Variants in CSMD3 observed in about 807,000 individuals in gnomAD.
CSMD3 encodes CUB and Sushi multiple domains 3.
Under a neutral mutation model 435.2 loss-of-function variants are expected in CSMD3, and 177 were observed. The ratio of observed to expected loss-of-function variants is 0.41; its 90% CI spans 0.36 to 0.46. The LOEUF (loss-of-function observed/expected upper bound fraction) is 0.46. Ranked by LOEUF, CSMD3 falls within the 20% of genes least tolerant of loss-of-function variation. The pLI is 0.34. For missense variants in CSMD3, 4,265 were observed against 4,504.6 expected, an observed-to-expected ratio of 0.95 and a Z score of 1.52; for synonymous variants, 1,656 against 1,520.5, an observed-to-expected ratio of 1.09 and a Z score of -2.07.
intron 32 of CSMD3, among the ~76,000 whole-genome samples, chr8:112,461,200 T>G (rs1243415081): frequency 6.6e-6 from 1 of 152,140 alleles, no homozygotes; most frequent in Non-Finnish European, 1.5e-5. Context: ...AGTGGGATAG[T>G]GTCAGAAATG....
chr8:112,532,141 A>T (rs1218601682), intron 27 of CSMD3, among the ~76,000 whole-genome samples: 1 of 152,100 alleles, frequency 6.6e-6, no homozygotes, highest in African/African-American at 2.4e-5. Flanking sequence ...CAGAAGAAAG[A>T]ATTCATGACA....
chr8:112,699,402 A>G (rs2131867558), intron 13 of CSMD3, among the ~76,000 whole-genome samples: 1 of 152,318 alleles, frequency 6.6e-6, no homozygotes, highest in South Asian at 2.1e-4. Flanking sequence ...GGCAAGACCT[A>G]GAACCCACCG....
intron 1 of CSMD3, among the ~76,000 whole-genome samples, chr8:113,409,330 C>A (rs1358079723): frequency 6.6e-6 from 1 of 151,724 alleles, no homozygotes; most frequent in Non-Finnish European, 1.5e-5. Flanking sequence ...TGAAGCACCC[C>A]TCTCGGCCTC....
chr8:112,707,355 T>C (rs2076520158), intron 13 of CSMD3, among the ~76,000 whole-genome samples: 1 of 152,008 alleles, frequency 6.6e-6, no homozygotes, highest in Non-Finnish European at 1.5e-5. Flanking sequence ...AGTAATCATG[T>C]TGATACTGTG....
At chr8:112,410,306 A>C (rs947575015) in intron 32 of CSMD3, among the ~76,000 whole-genome samples, 3 of 151,204 alleles carry the variant, frequency 2.0e-5, no homozygotes, top group African/African-American at 7.3e-5. Flanking sequence ...CTGTGCTAAA[A>C]TTTGTCAATA....
intron 22 of CSMD3, among the ~76,000 whole-genome samples, chr8:112,613,871 C>T (rs978963450): frequency 6.6e-6 from 1 of 152,022 alleles, no homozygotes; most frequent in Non-Finnish European, 1.5e-5. Context: ...GACTGTAATC[C>T]CAGCACTTTG....
intron 27 of CSMD3, among the ~76,000 whole-genome samples, chr8:112,525,782 GTGTATATATATA>G (rs1175781864): frequency 1.5e-5 from 2 of 135,318 alleles, no homozygotes; most frequent in Admixed American, 7.6e-5. Flanking sequence ...TTATATGTGT[GTGTATATATATA>G]TGTATATATA....
At chr8:112,813,544 G>A (rs546223710) in intron 12 of CSMD3, among the ~76,000 whole-genome samples, 1 of 152,200 alleles carries the variant, frequency 6.6e-6, no homozygotes, top group African/African-American at 2.4e-5. Context: ...TTAGTTTTGC[G>A]GGAGGGGGAA....
At chr8:113,238,204 A>G (rs1442454460) in intron 3 of CSMD3, among the ~76,000 whole-genome samples, 3 of 152,104 alleles carry the variant, frequency 2.0e-5, no homozygotes, top group Admixed American at 6.6e-5. Flanking sequence ...ATGAAAAGCT[A>G]CATCAAACAA....
At chr8:113,055,152 C>T (rs2088266025) in intron 5 of CSMD3, among the ~76,000 whole-genome samples, 1 of 152,024 alleles carries the variant, frequency 6.6e-6, no homozygotes, top group Admixed American at 6.6e-5. Context: ...TTATCATCTG[C>T]TACAACTCTT....
At chr8:112,493,499 T>C (rs556526397) in intron 30 of CSMD3, among the ~76,000 whole-genome samples, 1 of 152,106 alleles carries the variant, frequency 6.6e-6, no homozygotes, top group Non-Finnish European at 1.5e-5. Context: ...CTTACCCTAT[T>C]TTCTCCAGTC....
intron 6 of CSMD3, among the ~76,000 whole-genome samples, chr8:113,012,191 C>T (rs916386510): frequency 6.6e-6 from 1 of 151,522 alleles, no homozygotes; most frequent in East Asian, 1.9e-4. Flanking sequence ...TAAAATAATG[C>T]AGTTGGCCTA....
At chr8:112,993,202 T>C (rs1015364872) in intron 6 of CSMD3, among the ~76,000 whole-genome samples, 6 of 151,818 alleles carry the variant, frequency 4.0e-5, no homozygotes, top group African/African-American at 1.4e-4. Flanking sequence ...GTGCTGGGAA[T>C]GCTAAAAGCT....
At chr8:113,213,438 A>G (rs758617603) in intron 3 of CSMD3, among the ~76,000 whole-genome samples, 6 of 152,058 alleles carry the variant, frequency 3.9e-5, no homozygotes, top group Non-Finnish European at 7.4e-5. Context: ...ACTCTTCTTA[A>G]CACTGTTACC....
chr8:112,752,900 C>T lies in CSMD3; in HGVS notation c.1972+47262G>A, dbSNP rs865908435. ...CTAAGCCCTTCAGTATTTGTTACCGCGTGTGTGTGTGTGTGTGTGTGTGTG... is the reference window on the plus strand; with the variant it reads ...CTAAGCCCTTCAGTATTTGTTACCGTGTGTGTGTGTGTGTGTGTGTGTGTG... On this transcript the variant is annotated intron_variant, in intron 13 of 70. Coordinates refer to ENST00000297405, the MANE Select transcript of CSMD3 (RefSeq NM_198123.2). 1.2e-4 allele frequency among the ~76,000 whole-genome samples: 18 copies of T among 146,594 alleles called. No individual in the cohort carries two copies. The South Asian group carries it at 1.3e-3, about 11-fold the overall frequency.
chr8:112,782,792 C>T (rs1284277835), intron 13 of CSMD3, among the ~76,000 whole-genome samples: 1 of 151,448 alleles, frequency 6.6e-6, no homozygotes, highest in East Asian at 2.0e-4. Flanking sequence ...AGTGACATAA[C>T]ATATTTAAAG....
chr8:112,465,657 A>C (rs1029262144), intron 32 of CSMD3, among the ~76,000 whole-genome samples: 6 of 152,264 alleles, frequency 3.9e-5, no homozygotes, highest in Admixed American at 6.5e-5. Context: ...ATTTCTGCTA[A>C]TTTACATTAA....
At chr8:112,237,552 T>C (rs1175307609) in intron 66 of CSMD3, among the ~76,000 whole-genome samples, 1 of 152,158 alleles carries the variant, frequency 6.6e-6, no homozygotes, top group Non-Finnish European at 1.5e-5. Flanking sequence ...TTTGTTCATA[T>C]GTTATCGAGA....
intron 1 of CSMD3, among the ~76,000 whole-genome samples, chr8:113,316,254 A>T (rs374631302): frequency 6.6e-6 from 1 of 152,188 alleles, no homozygotes; most frequent in African/African-American, 2.4e-5. Context: ...AATCAGAGTT[A>T]TCAAGCTAAT....
Sources: gnomAD v4.1 joint callset for allele counts (sites outside exome capture counted in the v4.1 genomes callset) on GRCh38, gnomAD v4.1.1 for gene constraint, MANE v1.5 for transcripts, NCBI Gene and HGNC (gene_info 2026-07-23, HGNC 2026-07-21) for gene names.